Variants in CNTN6 observed in about 807,000 individuals in gnomAD.
CNTN6 encodes the protein contactin-6.
Under a neutral mutation model 122.8 loss-of-function variants are expected in CNTN6, and 137 were observed. The ratio of observed to expected loss-of-function variants is 1.12; its 90% CI spans 0.97 to 1.29. The LOEUF is 1.29. Ranked by LOEUF, CNTN6 falls within the 50% of genes most tolerant of loss-of-function variation. The pLI is 0.00. For missense variants in CNTN6, 1,634 were observed against 1,223.4 expected, an observed-to-expected ratio of 1.34 and a Z score of -5.01; for synonymous variants, 570 against 426.0, an observed-to-expected ratio of 1.34 and a Z score of -4.16.
In CNTN6 at chr3:1,277,346, C is replaced by CTTTTTTTTTTTTTTTTTTT. The variant is rs10599744; in HGVS notation, c.359-1054_359-1036dup. Reference sequence around the variant, plus strand: ...CTACTTCTGTCTTTTAGTAGGTTTTCTTTTTTTTTTTTTTTTTTTTTTTTT... The same window carrying CTTTTTTTTTTTTTTTTTTT: ...CTACTTCTGTCTTTTAGTAGGTTTTCTTTTTTTTTTTTTTTTTTTTTTTTTTTTTTTTTTTTTTTTTTTT... On this transcript the variant is annotated intron_variant, in intron 4 of 22. Transcript: ENST00000446702. 3.4e-4 allele frequency among the ~76,000 whole-genome samples: 27 copies of CTTTTTTTTTTTTTTTTTTT among 80,188 alleles called. 9 individuals carry two copies. The highest frequency in any genetic ancestry group is 1.1e-3 in the East Asian group (3 of 2,676). The allele number at this position is 80,188 out of a possible 152,430, so 52.6% of individuals were successfully genotyped here. A position where few individuals can be genotyped will look rare whatever the true frequency, so the allele number is the denominator to read the frequency against.
At chr3:1,358,167 A>C (rs1706888300) in intron 12 of CNTN6, among the ~76,000 whole-genome samples, 1 of 151,892 alleles carries the variant, frequency 6.6e-6, no homozygotes, top group Admixed American at 6.6e-5. Flanking sequence ...TCCTATTTTT[A>C]TTAAAATAAA....
intron 7 of CNTN6, among the ~76,000 whole-genome samples, chr3:1,299,524 C>G (rs950031917): frequency 6.6e-6 from 1 of 152,054 alleles, no homozygotes; most frequent in African/African-American, 2.4e-5. Flanking sequence ...TGCTAAGCAC[C>G]TATAACTAAG....
At position 1,278,407 on chromosome 3, in the gene CNTN6, T is replaced by A; in HGVS notation, c.359-6T>A. 6.4e-7 allele frequency: 1 copy of A among 1,571,830 alleles called. No individual in the cohort carries two copies. The highest frequency in any genetic ancestry group is 8.7e-7 in the Non-Finnish European group (1 of 1,152,492). Reference sequence around the variant, plus strand: ...ATTATAAATCTGCTTTTCTTTGTTTTCCAAGATATTGAAGACTTTGAAACT... The same window carrying A: ...ATTATAAATCTGCTTTTCTTTGTTTACCAAGATATTGAAGACTTTGAAACT... On this transcript the variant is annotated splice_polypyrimidine_tract_variant and splice_region_variant and intron_variant, in intron 4 of 22. Transcript: ENST00000446702.
chr3:1,395,838 A>G (rs922425940), intron 20 of CNTN6, among the ~76,000 whole-genome samples: 2 of 152,152 alleles, frequency 1.3e-5, no homozygotes, highest in African/African-American at 2.4e-5. Flanking sequence ...AATTATTACA[A>G]TAAGTCAAGG....
chr3:1,156,917 G>C (rs1014559814), intron 2 of CNTN6, among the ~76,000 whole-genome samples: 1 of 151,686 alleles, frequency 6.6e-6, no homozygotes, highest in Non-Finnish European at 1.5e-5. Context: ...GCCTCTCACT[G>C]TGTTGCTCAG....
chr3:1,245,544 G>A (rs1358941090), intron 4 of CNTN6, among the ~76,000 whole-genome samples: 2 of 149,666 alleles, frequency 1.3e-5, no homozygotes, highest in Admixed American at 1.4e-4. Flanking sequence ...GGAAAGGGTG[G>A]GGGTTGGTGA....
intron 2 of CNTN6, among the ~76,000 whole-genome samples, chr3:1,201,146 T>TGTGTGTGTG: frequency 7.1e-6 from 1 of 140,996 alleles, no homozygotes; most frequent in South Asian, 2.3e-4. Flanking sequence ...TGTGTGTGTG[T>TGTGTGTGTG]ATTTTTTGTA....
At chr3:1,284,324 C>T (rs918503776) in intron 5 of CNTN6, among the ~76,000 whole-genome samples, 3 of 152,160 alleles carry the variant, frequency 2.0e-5, no homozygotes, top group Non-Finnish European at 2.9e-5. Context: ...AGTGCTAAAA[C>T]TTAACATCCC....
At chr3:1,301,551 C>G (rs868263245) in intron 7 of CNTN6, among the ~76,000 whole-genome samples, 4 of 152,012 alleles carry the variant, frequency 2.6e-5, no homozygotes, top group Non-Finnish European at 5.9e-5. Context: ...TATAAATTAC[C>G]AAACCATACC....
At chr3:1,118,510 A>G (rs557524922) in intron 1 of CNTN6, among the ~76,000 whole-genome samples, 4 of 152,310 alleles carry the variant, frequency 2.6e-5, no homozygotes, top group South Asian at 2.1e-4. Flanking sequence ...AAGTCCCCCA[A>G]TAATGTCCTT....
intron 4 of CNTN6, among the ~76,000 whole-genome samples, chr3:1,229,464 C>T (rs1048247534): frequency 4.6e-5 from 7 of 152,074 alleles, no homozygotes; most frequent in East Asian, 1.9e-4. Flanking sequence ...GCTATACCCT[C>T]GAGTTTCTCT....
At chr3:1,357,893 A>G (rs925764963) in intron 12 of CNTN6, among the ~76,000 whole-genome samples, 4 of 151,196 alleles carry the variant, frequency 2.6e-5, no homozygotes, top group Non-Finnish European at 5.9e-5. Flanking sequence ...AAATTTACAT[A>G]TAATAAAATA....
rs1575718379 is a variant in CNTN6 at position 1,327,586 on chromosome 3, G to C, written c.1213G>C (p.Ala405Pro). Reference sequence around the variant, plus strand: ...TGCAAATGCTGAATTGAGAGTTTTAGGTAAGTCGTTTATTTACAACCAACA... The same window carrying C: ...TGCAAATGCTGAATTGAGAGTTTTACGTAAGTCGTTTATTTACAACCAACA... The part of the protein sequence containing the change: ...IYANAELRVL[A>P]SAPDFSKSPV... Residue 405 changes from alanine to proline, a missense_variant and splice_region_variant, in exon 10 of 23, where the codon GCC (alanine) becomes CCC (proline). Coordinates refer to ENST00000446702, the MANE Select transcript of CNTN6 (RefSeq NM_001289080.2). The C allele has an allele frequency of 1.2e-6, 2 of 1,608,790 alleles. No individual in the cohort carries two copies. The highest frequency in any genetic ancestry group is 1.7e-6 in the Non-Finnish European group (2 of 1,177,166).
chr3:1,299,138 A>G (rs1696779293), intron 7 of CNTN6, among the ~76,000 whole-genome samples: 1 of 152,292 alleles, frequency 6.6e-6, no homozygotes, highest in African/African-American at 2.4e-5. Context: ...TTCATAGAGT[A>G]TGGGTCTCAT....
intron 7 of CNTN6, among the ~76,000 whole-genome samples, chr3:1,314,733 T>C (rs1249398117): frequency 6.6e-6 from 1 of 151,768 alleles, no homozygotes; most frequent in Non-Finnish European, 1.5e-5. Flanking sequence ...TTTATGGCAA[T>C]GCGTATTCCA....
chr3:1,162,814 A>G (rs1250286137), intron 2 of CNTN6, among the ~76,000 whole-genome samples: 2 of 152,214 alleles, frequency 1.3e-5, no homozygotes, highest in East Asian at 3.8e-4. Flanking sequence ...CTTCTACTCA[A>G]CTGCCAGTTT....
chr3:1,321,735 G>A lies in CNTN6; in HGVS notation c.847G>A (p.Glu283Lys). The change falls in exon 8 of 23, where the codon GAA (glutamate) becomes AAA (lysine). Residue 283 changes from glutamate (E) to lysine (K), a missense_variant. Transcript: ENST00000446702. ...VKYSKSQAIL[E>K]IPNFQQEDEG... ...GTACAGCAAATCCCAAGCTATCCTT[G>A]AAATCCCGAACTTCCAACAAGAAGA... is the stretch of plus-strand genomic sequence containing the variant. The A allele has an allele frequency of 6.2e-7, 1 of 1,611,888 alleles. No individual in the cohort carries two copies. Among genetic ancestry groups the A allele is most frequent in the Non-Finnish European group, 8.5e-7 (1 of 1,178,662 alleles).
At chr3:1,135,996 TAGA>T (rs2092463028) in intron 1 of CNTN6, among the ~76,000 whole-genome samples, 2 of 152,162 alleles carry the variant, frequency 1.3e-5, no homozygotes, top group South Asian at 4.1e-4. Flanking sequence ...TGTCTCAAAA[TAGA>T]AGAAGTTATG....
chr3:1,301,827 G>A (rs1455013544), intron 7 of CNTN6, among the ~76,000 whole-genome samples: 1 of 152,172 alleles, frequency 6.6e-6, no homozygotes, highest in Non-Finnish European at 1.5e-5. Flanking sequence ...AAATGTATGT[G>A]AAAATACTTT....
Sources: allele counts gnomAD v4.1 joint callset (sites outside exome capture counted in the v4.1 genomes callset), GRCh38; gene constraint gnomAD v4.1.1; transcripts MANE v1.5; gene names NCBI Gene and HGNC (gene_info 2026-07-23, HGNC 2026-07-21).